The following SWT1 variants were observed in gnomAD, a reference collection of about 807,000 sequenced individuals.
SWT1 encodes SWT1 RNA endoribonuclease homolog.
SWT1 carries 33 observed loss-of-function variants against 107.3 expected under a neutral mutation model. That is an observed-to-expected ratio of 0.31 (90% confidence interval 0.23 to 0.41). The LOEUF (loss-of-function observed/expected upper bound fraction) is 0.41, where lower values mean the gene tolerates loss of function less well. Among genes scored for constraint, SWT1 ranks in the 10% least tolerant of loss-of-function variants. The pLI, the probability that SWT1 is intolerant of heterozygous loss-of-function variation, is 1.00. For synonymous variants in SWT1, 345 were observed against 348.3 expected (o/e 0.99, Z 0.11); for missense variants, 898 against 1,028.9 (o/e 0.87, Z 1.74).
intron 10 of SWT1, among the ~76,000 whole-genome samples, chr1:185,198,650 C>G (rs1657607144): frequency 6.6e-6 from 1 of 151,892 alleles, no homozygotes; most frequent in East Asian, 1.9e-4. Flanking sequence ...AAATTTAGCT[C>G]TTCTTGTTGC....
chr1:185,202,720 G>A lies in SWT1; in HGVS notation c.1590G>A (p.Leu530=). The A allele has an allele frequency of 6.2e-7, 1 of 1,607,078 alleles. No homozygotes were observed. The highest frequency in any genetic ancestry group is 1.3e-5 in the African/African-American group (1 of 74,758). The change falls in exon 11 of 19, where the codon TTG becomes TTA. Residue 530 remains leucine, a synonymous_variant. Transcript: ENST00000367500. ...TGAAGTCACTCAGTAAAGAAGAATT[G>A]AGTGCAGAGTTATTACACTTATCTC... The part of the protein sequence containing the change: ...SGVKSLSKEE[L]SAELLHLSLN...
intron 16 of SWT1, among the ~76,000 whole-genome samples, chr1:185,248,076 C>T (rs1241879012): frequency 2.6e-5 from 4 of 152,100 alleles, no homozygotes; most frequent in Non-Finnish European, 5.9e-5. Context: ...TGGTTATTTT[C>T]AAAAAGTCAA....
chr1:185,267,749 A>G (rs1663508498), intron 16 of SWT1, among the ~76,000 whole-genome samples: 1 of 152,206 alleles, frequency 6.6e-6, no homozygotes, highest in African/African-American at 2.4e-5. Context: ...TCTAAAAGAT[A>G]TTTTTCCCAA....
intron 12 of SWT1, among the ~76,000 whole-genome samples, chr1:185,206,226 G>A (rs376506610): frequency 5.3e-5 from 8 of 152,118 alleles, no homozygotes; most frequent in African/African-American, 1.9e-4. Flanking sequence ...CAAAGAGATA[G>A]GATTACAGGC....
chr1:185,184,076 A>G (rs932968981), intron 7 of SWT1, among the ~76,000 whole-genome samples, 167 bp from the exon 8 acceptor site: 7 of 152,202 alleles, frequency 4.6e-5, no homozygotes, highest in Non-Finnish European at 8.8e-5. Flanking sequence ...GGCCGGATAG[A>G]TATCAGCTTG....
chr1:185,256,958 T>C (rs1052242832), intron 16 of SWT1, among the ~76,000 whole-genome samples: 2 of 152,188 alleles, frequency 1.3e-5, no homozygotes, highest in Admixed American at 6.5e-5. Flanking sequence ...GATGGGTTTT[T>C]GATGTGGCTG....
At chr1:185,157,945 C>T (rs1340911657) in intron 1 of SWT1, among the ~76,000 whole-genome samples, 1 of 152,104 alleles carries the variant, frequency 6.6e-6, no homozygotes, top group African/African-American at 2.4e-5. Flanking sequence ...TTTCTTGTTT[C>T]TTTCTTCTGT....
At chr1:185,214,773 G>A in intron 14 of SWT1, 118 bp downstream of exon 14, 1 of 802,868 alleles carries the variant, frequency 1.2e-6, no homozygotes, top group Non-Finnish European at 1.9e-6. Flanking sequence ...ACATACTAAA[G>A]GCGTTAAGTA....
At chr1:185,260,187 A>G (rs1444721806) in intron 16 of SWT1, among the ~76,000 whole-genome samples, 1 of 152,182 alleles carries the variant, frequency 6.6e-6, no homozygotes, top group Non-Finnish European at 1.5e-5. Flanking sequence ...GGCAACTGTG[A>G]TGCCAGAAAT....
chr1:185,206,729 A>T lies in SWT1; in HGVS notation c.1938A>T (p.Leu646Phe), dbSNP rs767661883. The T allele has an allele frequency of 1.9e-6, 3 of 1,605,992 alleles. No homozygotes were observed. The highest frequency in any genetic ancestry group is 2.6e-6 in the Non-Finnish European group (3 of 1,176,340). ...FGLVMEKNLL[L>F]TIESLYKNLR... Reference sequence around the variant, plus strand: ...TAGTTATGGAAAAGAACTTGCTTTTAACTATTGAGAGCCTATACAAAAATC... The same window carrying T: ...TAGTTATGGAAAAGAACTTGCTTTTTACTATTGAGAGCCTATACAAAAATC... Residue 646 changes from leucine (L) to phenylalanine (F), a missense_variant, in exon 13 of 19, where the codon TTA (leucine) becomes TTT (phenylalanine). This residue lies in a region of SWT1 where 382 missense variants were observed against 460.0 expected (regional missense o/e 0.83). Coordinates refer to ENST00000367500, the MANE Select transcript of SWT1 (RefSeq NM_017673.7).
chr1:185,248,862 CATATGGT>C (rs1661800717), intron 16 of SWT1, among the ~76,000 whole-genome samples: 1 of 151,576 alleles, frequency 6.6e-6, no homozygotes, highest in South Asian at 2.1e-4. Context: ...AATTCCATAC[CATATGGT>C]TTATCTAGCT....
chr1:185,213,539 T>C (rs1658987637), intron 13 of SWT1, among the ~76,000 whole-genome samples: 1 of 152,214 alleles, frequency 6.6e-6, no homozygotes, highest in African/African-American at 2.4e-5. Flanking sequence ...CAAGTTCTTG[T>C]GTAAGTGATA....
intron 9 of SWT1, among the ~76,000 whole-genome samples, chr1:185,185,841 T>C (rs1311395391): frequency 6.6e-6 from 1 of 152,206 alleles, no homozygotes; most frequent in Admixed American, 6.5e-5. Context: ...TAAACAAATA[T>C]TTATTAGTTC....
chr1:185,220,395 A>G (rs1030812270), intron 14 of SWT1, among the ~76,000 whole-genome samples: 7 of 151,604 alleles, frequency 4.6e-5, no homozygotes, highest in Non-Finnish European at 1.0e-4. Context: ...TCTCTTTCTT[A>G]TTCTTCTTCT....
At position 185,182,068 on chromosome 1, in the gene SWT1, T is replaced by C. The variant is rs1656064355; in HGVS notation, c.1138+11T>C. 1.2e-6 allele frequency: 2 copies of C among 1,613,074 alleles called. No individual in the cohort carries two copies. The highest frequency in any genetic ancestry group is 2.2e-5 in the South Asian group (2 of 90,984). ...TACATTCCTCCTCTGGTATACCCTATATGTTGATGTGTATGCTCCCCTATG... is the reference window on the plus strand; with the variant it reads ...TACATTCCTCCTCTGGTATACCCTACATGTTGATGTGTATGCTCCCCTATG... On this transcript the variant is annotated intron_variant, in intron 7 of 18. Coordinates refer to ENST00000367500, the MANE Select transcript of SWT1 (RefSeq NM_017673.7).
At chr1:185,259,987 A>T (rs1025402770) in intron 16 of SWT1, among the ~76,000 whole-genome samples, 1 of 152,182 alleles carries the variant, frequency 6.6e-6, no homozygotes, top group Non-Finnish European at 1.5e-5. Flanking sequence ...GTGGGTATTA[A>T]TCTAATCTGT....
At chr1:185,217,300 A>G (rs1435969478) in intron 14 of SWT1, among the ~76,000 whole-genome samples, 2 of 152,184 alleles carry the variant, frequency 1.3e-5, no homozygotes, top group African/African-American at 4.8e-5. Flanking sequence ...GGAGGTGAGC[A>G]GCGAGCAAGC....
At chr1:185,263,387 G>A (rs994696522) in intron 16 of SWT1, 1 of 152,176 alleles carries the variant, frequency 6.6e-6, no homozygotes, top group African/African-American at 2.4e-5. Flanking sequence ...AATGAAGTTA[G>A]GATCCCATGG....
At chr1:185,182,385 A>G (rs1656092560) in intron 7 of SWT1, among the ~76,000 whole-genome samples, 1 of 152,184 alleles carries the variant, frequency 6.6e-6, no homozygotes, top group South Asian at 2.1e-4. Flanking sequence ...ATAATGCAGA[A>G]TAGCTGGTGC....
Sources: allele counts gnomAD v4.1 joint callset (sites outside exome capture counted in the v4.1 genomes callset), GRCh38; gene constraint gnomAD v4.1.1; regional missense constraint gnomAD v4.1.1; transcripts MANE v1.5; gene names NCBI Gene and HGNC (gene_info 2026-07-23, HGNC 2026-07-21).